The following PRKG1 variants were observed in gnomAD, a reference collection of about 807,000 sequenced individuals.
PRKG1 encodes the protein protein kinase cGMP-dependent 1, also known as cGMP-dependent protein kinase 1.
A neutral mutation model predicts 88.1 loss-of-function variants in PRKG1; 35 were observed. The ratio of observed to expected loss-of-function variants is 0.40; its 90% CI spans 0.30 to 0.53. PRKG1 has a LOEUF of 0.53. Ranked by LOEUF, PRKG1 falls within the 20% of genes least tolerant of loss-of-function variation. The pLI is 0.59. For missense variants in PRKG1, 540 were observed against 839.8 expected (o/e 0.64, Z 4.41); for synonymous variants, 303 against 292.5 (o/e 1.04, Z -0.37).
chr10:51,964,314 A>G (rs1425818826), intron 5 of PRKG1, among the ~76,000 whole-genome samples: 3 of 152,248 alleles, frequency 2.0e-5, no homozygotes, highest in Admixed American at 6.5e-5. Context: ...AAACATCTTT[A>G]AAGGCTCAAT....
At chr10:51,033,822 G>A (rs1411554344) in intron 1 of PRKG1, among the ~76,000 whole-genome samples, 1 of 149,286 alleles carries the variant, frequency 6.7e-6, no homozygotes, top group Non-Finnish European at 1.5e-5. Flanking sequence ...CTCAACTCAT[G>A]GTATTTCAGC....
chr10:51,839,668 T>C (rs926520901), intron 4 of PRKG1, among the ~76,000 whole-genome samples: 1 of 152,214 alleles, frequency 6.6e-6, no homozygotes, highest in Non-Finnish European at 1.5e-5. Flanking sequence ...ATAATCGTAG[T>C]GGTTTACTAA....
chr10:51,944,548 G>C (rs1205243763), intron 5 of PRKG1, among the ~76,000 whole-genome samples: 2 of 152,066 alleles, frequency 1.3e-5, no homozygotes, highest in African/African-American at 4.8e-5. Flanking sequence ...TATAATGTTA[G>C]GGTGTCAATT....
rs188227325 is a variant in PRKG1, at chr10:51,181,455, A to G, written c.478+28125A>G. ...ACGGGGTTTCACCTTGTTAGCCAGGATGGTCTCGATCTCCTGACCTCATGA... is the reference window on the plus strand; with the variant it reads ...ACGGGGTTTCACCTTGTTAGCCAGGGTGGTCTCGATCTCCTGACCTCATGA... On this transcript the variant is annotated intron_variant, in intron 2 of 17. Transcript: ENST00000373980. Among the ~76,000 whole-genome samples, 3 of 150,916 alleles carry G rather than the reference A, an allele frequency of 2.0e-5. No homozygotes were observed. The East Asian group carries it at 5.9e-4, about 30-fold the overall frequency.
At position 52,171,785 on chromosome 10, in the gene PRKG1, A is replaced by ATTTTTTTTTTT. The variant is rs1358641112; in HGVS notation, c.1076+9822_1076+9823insTTTTTTTTTTT. ...AATAGAAGTATTTTTCTTTTATCAA[A>ATTTTTTTTTTT]ATTTTTTTTTTTTTTTTTTTTTTTT... On this transcript the variant is annotated intron_variant, in intron 9 of 17. Transcript: ENST00000373980. 3.0e-4 allele frequency among the ~76,000 whole-genome samples: 37 copies of ATTTTTTTTTTT among 122,658 alleles called. 1 individual carries two copies. Among genetic ancestry groups the ATTTTTTTTTTT allele is most frequent in the East Asian group, 2.9e-3 (11 of 3,846 alleles). 80.5% of individuals were successfully genotyped at this position (122,658 alleles called of 152,430 possible). A position where few individuals can be genotyped will look rare whatever the true frequency, so the allele number is the denominator to read the frequency against.
At chr10:52,270,124 A>G (rs933427241) in intron 10 of PRKG1, among the ~76,000 whole-genome samples, 2 of 152,150 alleles carry the variant, frequency 1.3e-5, no homozygotes, top group African/African-American at 4.8e-5. Context: ...GGTTAAAAAG[A>G]AGAAATGAAT....
At chr10:51,980,918 G>T (rs1843992051) in intron 5 of PRKG1, among the ~76,000 whole-genome samples, 1 of 152,084 alleles carries the variant, frequency 6.6e-6, no homozygotes, top group South Asian at 2.1e-4. Flanking sequence ...ATACCAATGG[G>T]TCTTGCTTCT....
At chr10:51,868,618 G>A (rs752030053) in intron 4 of PRKG1, among the ~76,000 whole-genome samples, 1 of 151,868 alleles carries the variant, frequency 6.6e-6, no homozygotes, top group Non-Finnish European at 1.5e-5. Flanking sequence ...GCTTTACAGT[G>A]CCCTGCCCAA....
chr10:51,199,468 GA>G (rs550294223), intron 2 of PRKG1, among the ~76,000 whole-genome samples: 25 of 152,278 alleles, frequency 1.6e-4, no homozygotes, highest in African/African-American at 5.3e-4. Context: ...TCAGAGTCTG[GA>G]AAAGGAGACA....
chr10:51,430,243 C>T (rs1406659275), intron 2 of PRKG1, among the ~76,000 whole-genome samples: 5 of 151,824 alleles, frequency 3.3e-5, no homozygotes, highest in East Asian at 1.9e-4. Context: ...AGCAAGATCT[C>T]GTCTCTACAA....
At chr10:51,132,670 G>A (rs1374650358) in intron 1 of PRKG1, among the ~76,000 whole-genome samples, 3 of 147,768 alleles carry the variant, frequency 2.0e-5, no homozygotes, top group Admixed American at 6.8e-5. Context: ...ACATCAGCAC[G>A]TACATACCGT....
At chr10:51,635,695 C>A (rs1307849866) in intron 3 of PRKG1, among the ~76,000 whole-genome samples, 1 of 152,258 alleles carries the variant, frequency 6.6e-6, no homozygotes, top group South Asian at 2.1e-4. Flanking sequence ...TGATTTCTGT[C>A]TTCCAAGAAA....
chr10:51,438,814 C>T (rs1352590380), intron 2 of PRKG1, among the ~76,000 whole-genome samples: 1 of 151,810 alleles, frequency 6.6e-6, no homozygotes, highest in Non-Finnish European at 1.5e-5. Context: ...ATTCTAAAGG[C>T]CTACATTGTT....
chr10:51,017,929 GGTGGGACCACAGGTGC>G (rs1289904565), intron 1 of PRKG1, among the ~76,000 whole-genome samples: 8 of 151,884 alleles, frequency 5.3e-5, no homozygotes, highest in Non-Finnish European at 1.2e-4. Flanking sequence ...CTTCTGAGTA[GGTGGGACCACAGGTGC>G]GTGGGACCAC....
intron 4 of PRKG1, among the ~76,000 whole-genome samples, chr10:51,850,584 A>C (rs1302906508): frequency 6.6e-6 from 1 of 152,042 alleles, no homozygotes; most frequent in Non-Finnish European, 1.5e-5. Context: ...CTGAGGGAAA[A>C]CATTTGCATT....
intron 5 of PRKG1, among the ~76,000 whole-genome samples, chr10:52,014,704 C>T (rs1309479243): frequency 2.6e-5 from 4 of 152,182 alleles, no homozygotes; most frequent in Non-Finnish European, 5.9e-5. Flanking sequence ...AAATAAAAAA[C>T]AAGCTAGTTA....
chr10:51,576,227 C>A (rs1837881667), intron 3 of PRKG1, among the ~76,000 whole-genome samples: 1 of 151,796 alleles, frequency 6.6e-6, no homozygotes, highest in African/African-American at 2.4e-5. Flanking sequence ...CAAATCCAAC[C>A]CAATTTATAA....
intron 2 of PRKG1, among the ~76,000 whole-genome samples, chr10:51,401,608 G>A (rs1281990266): frequency 6.6e-6 from 1 of 152,046 alleles, no homozygotes; most frequent in Non-Finnish European, 1.5e-5. Context: ...TTGTTTGTTT[G>A]TTTTTACAGT....
At chr10:52,108,977 G>A (rs1847492136) in intron 7 of PRKG1, among the ~76,000 whole-genome samples, 1 of 151,926 alleles carries the variant, frequency 6.6e-6, no homozygotes, top group Non-Finnish European at 1.5e-5. Flanking sequence ...ATAGGGGAGA[G>A]CCACCATACC....
Sources: allele counts gnomAD v4.1 joint callset (sites outside exome capture counted in the v4.1 genomes callset), GRCh38; gene constraint gnomAD v4.1.1; transcripts MANE v1.5; gene names NCBI Gene and HGNC (gene_info 2026-07-23, HGNC 2026-07-21).